CUL9: variants seen among roughly 807,000 people sequenced by gnomAD.
The protein encoded by CUL9 is cullin-9.
CUL9 carries 79 observed loss-of-function variants against 272.6 expected under a neutral mutation model. The ratio of observed to expected loss-of-function variants is 0.29; its 90% CI spans 0.24 to 0.35. The LOEUF (loss-of-function observed/expected upper bound fraction) is 0.35, where lower values mean the gene tolerates loss of function less well. Among genes scored for constraint, CUL9 ranks in the 10% least tolerant of loss-of-function variants. The pLI is 1.00. For synonymous variants in CUL9, 1,186 were observed against 1,286.5 expected, an observed-to-expected ratio of 0.92 and a Z score of 1.67; for missense variants, 2,532 against 3,255.6, an observed-to-expected ratio of 0.78 and a Z score of 5.41.
chr6:43,185,989 G>A lies in CUL9; in HGVS notation c.785G>A (p.Arg262His), dbSNP rs775935398. ...AAGCTGCTTTTCTCCTTGGTGAAGC[G>A]CTACCTTTGTGTCACGTCCCTCCTG... The part of the protein sequence containing the change: ...PGKLLFSLVK[R>H]YLCVTSLLDQ... Residue 262 changes from arginine (R) to histidine (H), a missense_variant, in exon 4 of 41, where the codon CGC becomes CAC. Arg to His is a conservative substitution (Grantham distance 29). Transcript: ENST00000252050. The A allele has an allele frequency of 1.1e-5, 18 of 1,612,602 alleles. No individual in the cohort carries two copies. Among genetic ancestry groups the A allele is most frequent in the Middle Eastern group, 1.7e-4 (1 of 6,056 alleles).
In CUL9 at chr6:43,198,626, A is replaced by G. The variant is rs1242028724; in HGVS notation, c.2821A>G (p.Ile941Val). 6 of 1,614,028 alleles carry G rather than the reference A, an allele frequency of 3.7e-6. No homozygotes were observed. Among genetic ancestry groups the G allele is most frequent in the Non-Finnish European group, 4.2e-6 (5 of 1,180,028 alleles). The change falls in exon 12 of 41, where the codon ATC becomes GTC. Residue 941 changes from isoleucine (I) to valine (V), a missense_variant. Ile to Val is a conservative substitution (Grantham distance 29). Coordinates refer to ENST00000252050, the MANE Select transcript of CUL9 (RefSeq NM_015089.4). ...GGCTGCAGCACTAGAGACCCCCATCATCCAGGGTCAGGATGGGTCCCCTGA... is the reference window on the plus strand; with the variant it reads ...GGCTGCAGCACTAGAGACCCCCATCGTCCAGGGTCAGGATGGGTCCCCTGA... Reference protein sequence around the residue: ...PERAALETPIIQGQDGSPELL... With the variant: ...PERAALETPIVQGQDGSPELL...
chr6:43,194,543 TCTC>T (rs1179135728), intron 9 of CUL9, among the ~76,000 whole-genome samples: 5 of 151,078 alleles, frequency 3.3e-5, no homozygotes, highest in Non-Finnish European at 7.4e-5. Context: ...ATGGTCTCAA[TCTC>T]CTGACCTCAT....
intron 1 of CUL9, among the ~76,000 whole-genome samples, chr6:43,183,479 T>C (rs1056675766): frequency 1.3e-5 from 2 of 152,288 alleles, no homozygotes; most frequent in Admixed American, 6.5e-5. Context: ...TTATGCTCCC[T>C]GTCCTGCCCC....
intron 17 of CUL9, 122 bp downstream of exon 17, chr6:43,202,943 T>C (rs999405039): frequency 8.2e-7 from 1 of 1,223,160 alleles, no homozygotes; most frequent in Non-Finnish European, 1.2e-6. Context: ...GGTGTTGCCT[T>C]GTAAGCAGTG....
chr6:43,205,612 G>C (rs1043651364), intron 24 of CUL9, among the ~76,000 whole-genome samples, 189 bp downstream of exon 24: 11 of 152,148 alleles, frequency 7.2e-5, no homozygotes, highest in African/African-American at 1.2e-4. Context: ...CCTGAGGTCA[G>C]GAGTTCAAGA....
In CUL9 at chr6:43,196,703, C is replaced by T; in HGVS notation, c.2644C>T (p.His882Tyr). Residue 882 changes from histidine to tyrosine, a missense_variant, in exon 11 of 41, where the codon CAC (histidine) becomes TAC (tyrosine). His to Tyr is a moderately conservative substitution (Grantham distance 83). Coordinates refer to ENST00000252050, the MANE Select transcript of CUL9 (RefSeq NM_015089.4). ...LLLNLLLCNH[H>Y]TLGDQIITQE... Reference sequence around the variant, plus strand: ...GCTCAACCTACTTTTGTGCAACCACCACACTCTGGGAGACCAGATTATAAC... The same window carrying T: ...GCTCAACCTACTTTTGTGCAACCACTACACTCTGGGAGACCAGATTATAAC... 1.9e-6 allele frequency: 3 copies of T among 1,614,226 alleles called. No homozygotes were observed. Among genetic ancestry groups the T allele is most frequent in the Non-Finnish European group, 2.5e-6 (3 of 1,180,044 alleles).
rs1774773360 is a variant in CUL9, at chr6:43,203,302, A to G, written c.3849+98A>G. 7 of 1,592,796 alleles carry G rather than the reference A, an allele frequency of 4.4e-6. No individual in the cohort carries two copies. The highest frequency in any genetic ancestry group is 6.0e-6 in the Non-Finnish European group (7 of 1,161,674). ...GATGGCCCAGGACCTGTTGAGTCCC[A>G]GAGATGTGGGGATGTCCTGAGCAGT... On this transcript the variant is annotated intron_variant, in intron 18 of 40. Transcript: ENST00000252050. The surrounding 1 kb of genome is among the most constrained non-coding windows in gnomAD (Gnocchi z 5.0).
rs368082150 is a variant in CUL9, at chr6:43,196,085, C to A, written c.2405C>A (p.Ala802Asp). Residue 802 changes from alanine to aspartate, a missense_variant, in exon 10 of 41, where the codon GCC becomes GAC. Coordinates refer to ENST00000252050, the MANE Select transcript of CUL9 (RefSeq NM_015089.4). ...QAGLAALKMLAVASSSEIPTF... is the reference protein window; with the variant it reads ...QAGLAALKMLDVASSSEIPTF... ...CCCTCACAGGCACTGAAGATGCTGG[C>A]CGTCGCCAGCTCCTCGGAGATCCCC... 24 of 1,612,626 alleles carry A rather than the reference C, an allele frequency of 1.5e-5. No individual in the cohort carries two copies. Among genetic ancestry groups the A allele is most frequent in the Non-Finnish European group, 2.0e-5 (24 of 1,179,058 alleles).
chr6:43,216,627 GTC>G (rs1775961616), intron 31 of CUL9, 124 bp downstream of exon 31: 1 of 883,934 alleles, frequency 1.1e-6, no homozygotes, highest in Admixed American at 2.6e-5. Context: ...AGTGGATTTA[GTC>G]TCTTAGTCCT....
chr6:43,200,983 C>A lies in CUL9; in HGVS notation c.3647+149C>A. 1.0e-6 allele frequency: 1 copy of A among 988,036 alleles called. No homozygotes were observed. The highest frequency in any genetic ancestry group is 1.5e-6 in the Non-Finnish European group (1 of 661,116). 61.2% of individuals were successfully genotyped at this position (988,036 alleles called of 1,614,324 possible). ...GTGAACACATAGACACATTGACCTGCCTTTGCTGAGTATAGACATCCCCTC... is the reference window on the plus strand; with the variant it reads ...GTGAACACATAGACACATTGACCTGACTTTGCTGAGTATAGACATCCCCTC... On this transcript the variant is annotated intron_variant, in intron 16 of 40. Coordinates refer to ENST00000252050, the MANE Select transcript of CUL9 (RefSeq NM_015089.4). The surrounding 1 kb of genome is among the most constrained non-coding windows in gnomAD (Gnocchi z 4.0).
In CUL9 at chr6:43,213,212, G is replaced by C; in HGVS notation, c.5276G>C (p.Arg1759Pro). 1 of 1,614,128 alleles carries C rather than the reference G, an allele frequency of 6.2e-7. No individual in the cohort carries two copies. Among genetic ancestry groups the C allele is most frequent in the Middle Eastern group, 1.6e-4 (1 of 6,062 alleles). ...CGACTGCAGTGGACGTGGCTGGGCC[G>C]GGCTGAGCTGCAGTTTGGGAAGCAG... is the stretch of plus-strand genomic sequence containing the variant. ...HRRLQWTWLGRAELQFGKQIL... is the reference protein window; with the variant it reads ...HRRLQWTWLGPAELQFGKQIL... The change falls in exon 27 of 41, where the codon CGG (arginine) becomes CCG (proline). Residue 1759 changes from arginine (R) to proline (P), a missense_variant. This residue lies in a region of CUL9 where 2,218 missense variants were observed against 2,788.6 expected (regional missense o/e 0.80). Coordinates refer to ENST00000252050, the MANE Select transcript of CUL9 (RefSeq NM_015089.4). The surrounding 1 kb of genome is among the most constrained non-coding windows in gnomAD (Gnocchi z 5.7).
chr6:43,213,093 A>G lies in CUL9; in HGVS notation c.5213-56A>G. On this transcript the variant is annotated intron_variant, in intron 26 of 40. Transcript: ENST00000252050. The surrounding 1 kb of genome is among the most constrained non-coding windows in gnomAD (Gnocchi z 5.7). Reference sequence around the variant, plus strand: ...AGCAAAGCTTGACACCTCAACCCCTAAACCCCTTGTTTCGCCCATTCTGTG... The same window carrying G: ...AGCAAAGCTTGACACCTCAACCCCTGAACCCCTTGTTTCGCCCATTCTGTG... 1 of 1,592,254 alleles carries G rather than the reference A, an allele frequency of 6.3e-7. No homozygotes were observed. Among genetic ancestry groups the G allele is most frequent in the Non-Finnish European group, 8.6e-7 (1 of 1,166,248 alleles).
At chr6:43,189,146 T>C (rs985673856) in intron 8 of CUL9, among the ~76,000 whole-genome samples, 6 of 151,892 alleles carry the variant, frequency 4.0e-5, no homozygotes, top group African/African-American at 1.5e-4. Flanking sequence ...ACTTTTTTTT[T>C]TTCACATTAG....
At chr6:43,188,219 AT>A in intron 7 of CUL9, 101 bp downstream of exon 7, 1 of 1,399,528 alleles carries the variant, frequency 7.1e-7, no homozygotes, top group Non-Finnish European at 9.7e-7. Context: ...GAGGAAGGTG[AT>A]TTTTGCAGGG....
At chr6:43,211,567 T>TA (rs888705391) in intron 26 of CUL9, among the ~76,000 whole-genome samples, 24 of 150,562 alleles carry the variant, frequency 1.6e-4, no homozygotes, top group Non-Finnish European at 2.4e-4. Flanking sequence ...CAAAAACAAA[T>TA]AAAAAAAAAG....
At position 43,199,411 on chromosome 6, in the gene CUL9, C is replaced by T. The variant is rs1301468021; in HGVS notation, c.3156+40C>T. On this transcript the variant is annotated intron_variant, in intron 13 of 40. Coordinates refer to ENST00000252050, the MANE Select transcript of CUL9 (RefSeq NM_015089.4). The surrounding 1 kb of genome is among the most constrained non-coding windows in gnomAD (Gnocchi z 4.4). ...GCAAGGAGAAGAGAGGGAAGGGCAG[C>T]ATCTGGGGCACCAACTCCTTGTGAG... The T allele has an allele frequency of 3.3e-6, 5 of 1,500,864 alleles. No individual in the cohort carries two copies. The highest frequency in any genetic ancestry group is 3.7e-6 in the Non-Finnish European group (4 of 1,078,444). The allele number at this position is 1,500,864 out of a possible 1,614,324, so 93.0% of individuals were successfully genotyped here. A position where few individuals can be genotyped will look rare whatever the true frequency, so the allele number is the denominator to read the frequency against.
In CUL9 at chr6:43,220,897, T is replaced by C; in HGVS notation, c.6574T>C (p.Cys2192Arg). ...SKCGWASCFNCSFPEAHYPAS... is the reference protein window; with the variant it reads ...SKCGWASCFNRSFPEAHYPAS... ...GTGTGGCTGGGCCTCTTGCTTCAAC[T>C]GTAGCTTCCCTGAGGTGGGAGCCCC... Residue 2192 changes from cysteine (C) to arginine (R), a missense_variant, in exon 33 of 41, where the codon TGT becomes CGT. Physicochemically the swap from Cys to Arg is radical, Grantham distance 180. This residue lies in a region of CUL9 where 77 missense variants were observed against 161.1 expected (regional missense o/e 0.48). Transcript: ENST00000252050. This position sits in a 1 kb window ranked among gnomAD's most constrained non-coding sequence, Gnocchi z 4.9. The C allele has an allele frequency of 1.1e-5, 17 of 1,611,950 alleles. No individual in the cohort carries two copies. The highest frequency in any genetic ancestry group is 1.4e-5 in the Non-Finnish European group (17 of 1,179,116).
Position 43,200,329 on chromosome 6 carries a change from G to A in CUL9, c.3385-107G>A, listed in dbSNP as rs1774404567. The A allele has an allele frequency of 6.4e-7, 1 of 1,573,734 alleles. No individual in the cohort carries two copies. Among genetic ancestry groups the A allele is most frequent in the Non-Finnish European group, 8.7e-7 (1 of 1,148,720 alleles). ...TCTGTCAAAATGTGGGGAGAGAGGA[G>A]TTGAGTATACCGTTGACCCTTGACT... On this transcript the variant is annotated intron_variant, in intron 14 of 40. Transcript: ENST00000252050. The surrounding 1 kb of genome is among the most constrained non-coding windows in gnomAD (Gnocchi z 4.0).
In CUL9 at chr6:43,205,422, C is replaced by A. The variant is rs148718257; in HGVS notation, c.4792C>A (p.Gln1598Lys). 45 of 1,613,640 alleles carry A rather than the reference C, an allele frequency of 2.8e-5. No individual in the cohort carries two copies. The African/African-American group carries it at 4.8e-4, about 17-fold the overall frequency. Residue 1598 changes from glutamine (Q) to lysine (K), a missense_variant and splice_region_variant, in exon 24 of 41, where the codon CAG becomes AAG. By Grantham distance (53) the Gln-to-Lys change is moderately conservative (BLOSUM62 1). Transcript: ENST00000252050. ...GGCCACAACTTTTGAGCACTTCTAT[C>A]AGTGAGTGCAGGTCTGGAGGCATAG... The part of the protein sequence containing the change: ...ELATTFEHFY[Q>K]HYMADRLLSF...
Sources: allele counts gnomAD v4.1 joint callset (sites outside exome capture counted in the v4.1 genomes callset), GRCh38; gene constraint gnomAD v4.1.1; regional missense constraint gnomAD v4.1.1; non-coding constraint Gnocchi (gnomAD v3.1); transcripts MANE v1.5; gene names NCBI Gene and HGNC (gene_info 2026-07-23, HGNC 2026-07-21).